Variants in KCNH7 observed in about 807,000 individuals in gnomAD.
The protein encoded by KCNH7 is voltage-gated inwardly rectifying potassium channel KCNH7.
KCNH7 carries 49 observed loss-of-function variants against 120.8 expected under a neutral mutation model. The ratio of observed to expected loss-of-function variants is 0.41; its 90% CI spans 0.32 to 0.51. KCNH7 has a LOEUF of 0.51. KCNH7 is among the 20% of genes least tolerant of loss of function. The pLI is 0.38. For synonymous variants in KCNH7, 547 were observed against 516.1 expected, an observed-to-expected ratio of 1.06 and a Z score of -0.81; for missense variants, 1,097 against 1,446.6, an observed-to-expected ratio of 0.76 and a Z score of 3.92.
At chr2:162,531,083 C>T (rs958536738) in intron 3 of KCNH7, among the ~76,000 whole-genome samples, 9 of 151,884 alleles carry the variant, frequency 5.9e-5, no homozygotes, top group South Asian at 2.1e-4. Context: ...CTCTGTCCAA[C>T]GCTTCCCTGT....
intron 2 of KCNH7, among the ~76,000 whole-genome samples, chr2:162,767,863 T>TA (rs1041777872): frequency 1.4e-4 from 22 of 152,298 alleles, no homozygotes; most frequent in African/African-American, 5.0e-4. Context: ...TTACCAGGGT[T>TA]AGCCCCAGTT....
In KCNH7 at chr2:162,400,228, T is replaced by C; in HGVS notation, c.2368A>G (p.Ile790Val). Residue 790 changes from isoleucine (I) to valine (V), a missense_variant, in exon 10 of 16, where the codon ATT becomes GTT. Coordinates refer to ENST00000332142, the MANE Select transcript of KCNH7 (RefSeq NM_033272.4). ...TALYFLSRGS[I>V]EILKDDIVVA... ...ACAATGTCATCTTTGAGAATTTCAA[T>C]GGAGCCTCTGGATAAGAAATAAAGT... The C allele has an allele frequency of 6.2e-7, 1 of 1,612,144 alleles. No individual in the cohort carries two copies. Among genetic ancestry groups the C allele is most frequent in the Non-Finnish European group, 8.5e-7 (1 of 1,178,796 alleles).
intron 2 of KCNH7, among the ~76,000 whole-genome samples, chr2:162,772,957 G>T (rs305691): frequency 0.47 from 70,919 of 151,934 alleles, 19,787 homozygotes; most frequent in African/African-American, 0.79. Context: ...TAACCTAATC[G>T]CTCTCCTTGA....
intron 6 of KCNH7, among the ~76,000 whole-genome samples, chr2:162,504,112 T>A (rs915330928): frequency 9.2e-5 from 14 of 152,014 alleles, no homozygotes; most frequent in African/African-American, 3.4e-4. Context: ...ATCCATTATA[T>A]TAAAAAACCA....
At chr2:162,728,873 C>A (rs1282441777) in intron 2 of KCNH7, among the ~76,000 whole-genome samples, 1 of 152,018 alleles carries the variant, frequency 6.6e-6, no homozygotes, top group Non-Finnish European at 1.5e-5. Context: ...AACATCTTTG[C>A]TTAATGCAAA....
intron 4 of KCNH7, 52 bp downstream of exon 4, chr2:162,517,678 T>C: frequency 7.5e-7 from 1 of 1,338,470 alleles, no homozygotes; most frequent in African/African-American, 1.5e-5. Context: ...ATGCAAATAA[T>C]CATTTATTAC....
intron 2 of KCNH7, among the ~76,000 whole-genome samples, chr2:162,817,309 G>A (rs72875490): frequency 0.055 from 8,314 of 152,146 alleles, 299 homozygotes; most frequent in South Asian, 0.11. Flanking sequence ...TATGTAATTA[G>A]AGATATGCAA....
intron 2 of KCNH7, among the ~76,000 whole-genome samples, chr2:162,777,425 A>C (rs765108944): frequency 6.6e-5 from 10 of 152,078 alleles, no homozygotes; most frequent in Non-Finnish European, 1.2e-4. Flanking sequence ...CATTCTTTTT[A>C]TTGTCAATAT....
chr2:162,824,472 T>G (rs1442694024), intron 2 of KCNH7, among the ~76,000 whole-genome samples: 1 of 152,112 alleles, frequency 6.6e-6, no homozygotes, highest in Admixed American at 6.6e-5. Context: ...GAGCCTTGGT[T>G]AAGTGACATT....
At chr2:162,561,217 T>A (rs1409572061) in intron 2 of KCNH7, among the ~76,000 whole-genome samples, 1 of 152,176 alleles carries the variant, frequency 6.6e-6, no homozygotes, top group Non-Finnish European at 1.5e-5. Context: ...ATGATGCATA[T>A]GCTCCTTTTT....
At position 162,608,801 on chromosome 2, in the gene KCNH7, C is replaced by G. The variant is rs574509774; in HGVS notation, c.308-71721G>C. On this transcript the variant is annotated intron_variant, in intron 2 of 15. Transcript: ENST00000332142. ...CATTCTGTCTACCTCATACACCTGG[C>G]AATTCACTTATTTTCTATGGCATCA... is the stretch of plus-strand genomic sequence containing the variant. 2.6e-5 allele frequency among the ~76,000 whole-genome samples: 4 copies of G among 152,246 alleles called. No homozygotes were observed. In the East Asian group the frequency reaches 7.7e-4, roughly 29 times the overall value.
At chr2:162,599,288 C>T (rs1460001398) in intron 2 of KCNH7, among the ~76,000 whole-genome samples, 1 of 151,690 alleles carries the variant, frequency 6.6e-6, no homozygotes, top group East Asian at 1.9e-4. Flanking sequence ...CAGAAATTAG[C>T]CTTTCTTCAG....
chr2:162,829,888 T>C (rs1450888026), intron 2 of KCNH7, among the ~76,000 whole-genome samples: 2 of 150,090 alleles, frequency 1.3e-5, no homozygotes, highest in Non-Finnish European at 3.0e-5. Flanking sequence ...CCATTTTTCA[T>C]CTTCTCTTCA....
intron 2 of KCNH7, among the ~76,000 whole-genome samples, chr2:162,778,700 C>T (rs1574377617): frequency 6.6e-6 from 1 of 152,036 alleles, no homozygotes; most frequent in East Asian, 1.9e-4. Flanking sequence ...TTAAATCACA[C>T]AAAAAGAGAT....
At position 162,673,086 on chromosome 2, in the gene KCNH7, A is replaced by G. The variant is rs188918355; in HGVS notation, c.308-136006T>C. Among the ~76,000 whole-genome samples the G allele has an allele frequency of 5.7e-3, 874 of 152,180 alleles. 9 individuals are homozygous for G. Among genetic ancestry groups the G allele is most frequent in the African/African-American group, 0.02 (840 of 41,568 alleles). On this transcript the variant is annotated intron_variant, in intron 2 of 15. Transcript: ENST00000332142. ...GTTCCACATGCAACCAAGAATGTTT[A>G]CAATTCTACCAAACTTTAAAATAGC...
chr2:162,767,539 GAATT>G (rs1431421437), intron 2 of KCNH7, among the ~76,000 whole-genome samples: 13 of 151,852 alleles, frequency 8.6e-5, no homozygotes, highest in Non-Finnish European at 1.9e-4. Flanking sequence ...CATCTATTTG[GAATT>G]AATTATGATG....
At chr2:162,425,939 C>A (rs905414086) in intron 8 of KCNH7, among the ~76,000 whole-genome samples, 1 of 151,976 alleles carries the variant, frequency 6.6e-6, no homozygotes, top group South Asian at 2.1e-4. Flanking sequence ...TATGGTCAGG[C>A]GCGGTGGCTC....
intron 2 of KCNH7, among the ~76,000 whole-genome samples, chr2:162,571,659 C>T (rs1211748493): frequency 4.8e-5 from 7 of 146,578 alleles, no homozygotes; most frequent in Non-Finnish European, 1.0e-4. Context: ...TACAAGGCTA[C>T]AGTAACCAAA....
intron 2 of KCNH7, among the ~76,000 whole-genome samples, chr2:162,606,808 T>A (rs1476246333): frequency 6.6e-6 from 1 of 152,112 alleles, no homozygotes; most frequent in Non-Finnish European, 1.5e-5. Flanking sequence ...GTTCTAGAAA[T>A]CTATGTCATT....
Sources: gnomAD v4.1 joint callset for allele counts (sites outside exome capture counted in the v4.1 genomes callset) on GRCh38, gnomAD v4.1.1 for gene constraint, MANE v1.5 for transcripts, NCBI Gene and HGNC (gene_info 2026-07-23, HGNC 2026-07-21) for gene names.